Variants in CLSTN2 observed in about 807,000 individuals in gnomAD.
The protein encoded by CLSTN2 is calsyntenin-2.
In CLSTN2, 48 loss-of-function variants were observed where a neutral mutation model predicts 101.2. The ratio of observed to expected loss-of-function variants is 0.47; its 90% confidence interval spans 0.38 to 0.60. CLSTN2 has a LOEUF of 0.60. CLSTN2 is among the 20% of genes least tolerant of loss of function. The pLI, the probability that CLSTN2 is intolerant of heterozygous loss-of-function variation, is 0.00. For missense variants in CLSTN2, 1,160 were observed against 1,238.2 expected (o/e 0.94, Z 0.95); for synonymous variants, 481 against 463.6 (o/e 1.04, Z -0.48).
intron 1 of CLSTN2, among the ~76,000 whole-genome samples, chr3:139,949,844 T>G (rs980345967): frequency 6.6e-6 from 1 of 152,222 alleles, no homozygotes; most frequent in African/African-American, 2.4e-5. Flanking sequence ...CAGCATTCCC[T>G]TAAACCCTAG....
chr3:140,304,342 C>T (rs2087090609), intron 2 of CLSTN2, among the ~76,000 whole-genome samples: 1 of 152,190 alleles, frequency 6.6e-6, no homozygotes, highest in Admixed American at 6.5e-5. Flanking sequence ...GTGGTTTAAA[C>T]AATAGGAATT....
At chr3:140,298,412 A>T (rs1300338985) in intron 2 of CLSTN2, among the ~76,000 whole-genome samples, 1 of 152,224 alleles carries the variant, frequency 6.6e-6, no homozygotes, top group African/African-American at 2.4e-5. Flanking sequence ...TAATGATGAC[A>T]ATAATCATAA....
At chr3:140,055,720 G>A (rs2008084216) in intron 1 of CLSTN2, among the ~76,000 whole-genome samples, 1 of 152,180 alleles carries the variant, frequency 6.6e-6, no homozygotes, top group South Asian at 2.1e-4. Flanking sequence ...ACTCAAGTGT[G>A]CTCTGGTTTA....
At chr3:140,176,218 C>T (rs919220565) in intron 2 of CLSTN2, 145 bp downstream of exon 2, 3 of 859,598 alleles carry the variant, frequency 3.5e-6, no homozygotes, top group African/African-American at 3.4e-5. Context: ...AGCTGTATGC[C>T]TCTTATTTCT....
chr3:140,378,239 ACT>A (rs1329175488), intron 2 of CLSTN2, among the ~76,000 whole-genome samples: 1 of 152,104 alleles, frequency 6.6e-6, no homozygotes, highest in Non-Finnish European at 1.5e-5. Flanking sequence ...GTGACACTTG[ACT>A]CTCTCAATGT....
intron 1 of CLSTN2, among the ~76,000 whole-genome samples, chr3:139,949,541 A>G (rs1935260623): frequency 6.6e-6 from 1 of 152,060 alleles, no homozygotes; most frequent in Non-Finnish European, 1.5e-5. Flanking sequence ...GGGGTTAGGG[A>G]CCTTTTGGGT....
intron 2 of CLSTN2, among the ~76,000 whole-genome samples, chr3:140,397,733 T>C (rs1483148830): frequency 6.6e-6 from 1 of 152,228 alleles, no homozygotes; most frequent in Admixed American, 6.5e-5. Flanking sequence ...TTTGGTGATT[T>C]GGTTTCAATG....
At chr3:140,253,463 C>T (rs367863437) in intron 2 of CLSTN2, among the ~76,000 whole-genome samples, 14 of 152,232 alleles carry the variant, frequency 9.2e-5, no homozygotes, top group African/African-American at 1.2e-4. Context: ...TATGATATTA[C>T]GTAATCAAAT....
intron 2 of CLSTN2, among the ~76,000 whole-genome samples, chr3:140,224,394 A>C (rs946446072): frequency 7.2e-5 from 11 of 152,186 alleles, no homozygotes; most frequent in African/African-American, 2.7e-4. Context: ...TTTTTTAGTC[A>C]TTTAGCTAGT....
At position 140,300,855 on chromosome 3, in the gene CLSTN2, C is replaced by T. The variant is rs1159448927; in HGVS notation, c.233-102774C>T. ...ATTTACTATGAAGAACTGACTTACA[C>T]AATTATGGAGGCTGAGAAGTCCCAT... On this transcript the variant is annotated intron_variant, in intron 2 of 16. Coordinates refer to ENST00000458420, the MANE Select transcript of CLSTN2 (RefSeq NM_022131.3). Among the ~76,000 whole-genome samples the T allele has an allele frequency of 2.6e-5, 4 of 152,054 alleles. No homozygotes were observed. The East Asian group carries it at 7.7e-4, about 29-fold the overall frequency.
rs57433306 is a variant in CLSTN2 at position 140,179,620 on chromosome 3, C to CAAAA, written c.232+3576_232+3579dup. Among the ~76,000 whole-genome samples the CAAAA allele has an allele frequency of 2.7e-3, 101 of 37,450 alleles. 7 individuals carry two copies. The highest frequency in any genetic ancestry group is 5.3e-3 in the East Asian group (3 of 562). 24.6% of individuals were successfully genotyped at this position (37,450 alleles called of 152,430 possible). A position where few individuals can be genotyped will look rare whatever the true frequency, so the allele number is the denominator to read the frequency against. ...TGCACTCCAGAGCAAGACCCTATCT[C>CAAAA]AAAAAAAAAAAAAAAAAAAAAAAAA... On this transcript the variant is annotated intron_variant, in intron 2 of 16. Transcript: ENST00000458420.
At chr3:139,943,045 G>A (rs950722603) in intron 1 of CLSTN2, among the ~76,000 whole-genome samples, 11 of 152,020 alleles carry the variant, frequency 7.2e-5, no homozygotes, top group African/African-American at 2.7e-4. Flanking sequence ...CTCAGTATCT[G>A]TTTCCTTTAG....
intron 2 of CLSTN2, among the ~76,000 whole-genome samples, chr3:140,253,063 G>GT (rs2086577475): frequency 6.6e-6 from 1 of 152,174 alleles, no homozygotes; most frequent in South Asian, 2.1e-4. Flanking sequence ...TGAAATATGT[G>GT]TAAGTTCGAT....
intron 1 of CLSTN2, among the ~76,000 whole-genome samples, chr3:139,969,862 G>A (rs1412868440): frequency 6.6e-6 from 1 of 151,998 alleles, no homozygotes; most frequent in African/African-American, 2.4e-5. Flanking sequence ...CCACATCATG[G>A]CATTGATTCT....
chr3:140,354,087 G>A (rs1048803583), intron 2 of CLSTN2, among the ~76,000 whole-genome samples: 1 of 152,212 alleles, frequency 6.6e-6, no homozygotes, highest in African/African-American at 2.4e-5. Context: ...TCCATCTAGA[G>A]AATAACTAGG....
At chr3:140,490,920 C>A (rs544689043) in intron 8 of CLSTN2, among the ~76,000 whole-genome samples, 32 of 152,294 alleles carry the variant, frequency 2.1e-4, no homozygotes, top group African/African-American at 7.5e-4. Context: ...TCACTAAGGG[C>A]TGTCCCATTT....
At chr3:140,235,958 G>A (rs2086413792) in intron 2 of CLSTN2, among the ~76,000 whole-genome samples, 2 of 152,146 alleles carry the variant, frequency 1.3e-5, no homozygotes, top group African/African-American at 4.8e-5. Context: ...GTTTGTCATG[G>A]ATGGTGACTG....
rs6787267 is a variant in CLSTN2, at chr3:140,104,306, C to T, written c.110-71645C>T. Among the ~76,000 whole-genome samples, 1,426 of 152,270 alleles carry T rather than the reference C, an allele frequency of 9.4e-3. 27 individuals are homozygous for T. The highest frequency in any genetic ancestry group is 0.033 in the African/African-American group (1,387 of 41,554). ...AAAGAGATAAACTCTCTGAAGTATA[C>T]CACCCACACTTGGAAGATCATTGTT... On this transcript the variant is annotated intron_variant, in intron 1 of 16. Transcript: ENST00000458420.
At chr3:140,265,928 G>C (rs1358859323) in intron 2 of CLSTN2, among the ~76,000 whole-genome samples, 2 of 152,156 alleles carry the variant, frequency 1.3e-5, no homozygotes, top group Non-Finnish European at 2.9e-5. Flanking sequence ...GAGGGTCTAG[G>C]GTTCTTGGAT....
Sources: gnomAD v4.1 joint callset for allele counts (sites outside exome capture counted in the v4.1 genomes callset) on GRCh38, gnomAD v4.1.1 for gene constraint, MANE v1.5 for transcripts, NCBI Gene and HGNC (gene_info 2026-07-23, HGNC 2026-07-21) for gene names.